Variants in ZNF208 observed in about 807,000 individuals in gnomAD.
The protein encoded by ZNF208 is zinc finger protein 95.
ZNF208 carries 10 observed loss-of-function variants against 12.1 expected under a neutral mutation model. The observed-to-expected ratio is 0.83, with a 90% confidence interval of 0.51 to 1.40. ZNF208 has a LOEUF of 1.40. Among genes scored for constraint, ZNF208 ranks in the 40% most tolerant of loss-of-function variants. The pLI, the probability that ZNF208 is intolerant of heterozygous loss-of-function variation, is 0.00. For missense variants in ZNF208, 1,652 were observed against 1,485.0 expected, an observed-to-expected ratio of 1.11 and a Z score of -1.85; for synonymous variants, 497 against 488.4, an observed-to-expected ratio of 1.02 and a Z score of -0.23.
chr19:21,992,587 T>A (rs1360466131), intron 1 of ZNF208, among the ~76,000 whole-genome samples: 1 of 152,190 alleles, frequency 6.6e-6, no homozygotes, highest in Non-Finnish European at 1.5e-5. Flanking sequence ...ATATGTTCTG[T>A]CTTCACTAAA....
At chr19:21,963,665 T>C (rs758471932), downstream of ZNF208, among the ~76,000 whole-genome samples, 7 of 152,040 alleles carry the variant, frequency 4.6e-5, no homozygotes, top group Non-Finnish European at 1.0e-4. Flanking sequence ...TACTATTTTT[T>C]AGCAACTAAT....
chr19:22,003,221 G>A (rs953447805), intron 1 of ZNF208, among the ~76,000 whole-genome samples: 1 of 151,950 alleles, frequency 6.6e-6, no homozygotes, highest in Non-Finnish European at 1.5e-5. Context: ...TCTTAAAAAG[G>A]ATATATTTTA....
chr19:21,982,192 C>A (rs1442261993), intron 3 of ZNF208, among the ~76,000 whole-genome samples: 1 of 151,702 alleles, frequency 6.6e-6, no homozygotes, highest in Non-Finnish European at 1.5e-5. Flanking sequence ...CCCATCTCTA[C>A]TAAAAACACA....
At chr19:21,954,313 G>A (rs1302095407) in intron 4 of ZNF208, among the ~76,000 whole-genome samples, 1 of 152,174 alleles carries the variant, frequency 6.6e-6, no homozygotes, top group Non-Finnish European at 1.5e-5. Flanking sequence ...ATATTCTCTT[G>A]ATTTGGGGTA....
chr19:21,992,916 TGAGAC>T (rs750044062), intron 1 of ZNF208, among the ~76,000 whole-genome samples: 5 of 152,332 alleles, frequency 3.3e-5, no homozygotes, highest in Non-Finnish European at 5.9e-5. Context: ...GATCTTGATC[TGAGAC>T]ATGTTTAGCT....
intron 4 of ZNF208, among the ~76,000 whole-genome samples, chr19:21,953,500 C>G (rs997185542): frequency 2.6e-5 from 4 of 152,164 alleles, no homozygotes; most frequent in African/African-American, 9.7e-5. Flanking sequence ...GAGTGGGGGC[C>G]AATATTCAAC....
Position 21,974,691 on chromosome 19 carries a change from T to C in ZNF208, c.343A>G (p.Ile115Val), listed in dbSNP as rs199870848. 7.9e-5 allele frequency: 128 copies of C among 1,613,462 alleles called. No individual in the cohort carries two copies. The highest frequency in any genetic ancestry group is 1.0e-4 in the Non-Finnish European group (122 of 1,179,712). Residue 115 changes from isoleucine to valine, a missense_variant, in exon 4 of 4, where the codon ATT becomes GTT. Transcript: ENST00000397126. ...KCGHENLHLK[I>V]GYTNVDECKV... is the part of the protein sequence containing the mutation. ...CACTCATCCACATTGGTATAACCAA[T>C]TTTTAAGTGTAAATTCTCATGTCCA...
intron 4 of ZNF208, among the ~76,000 whole-genome samples, chr19:21,942,257 A>G (rs1969752576): frequency 6.6e-6 from 1 of 152,274 alleles, no homozygotes; most frequent in East Asian, 1.9e-4. Flanking sequence ...AATCATATCT[A>G]TTAGTACTAG....
intron 3 of ZNF208, among the ~76,000 whole-genome samples, chr19:21,975,042 C>A (rs1374823636): frequency 6.6e-6 from 1 of 152,050 alleles, no homozygotes; most frequent in Non-Finnish European, 1.5e-5. Flanking sequence ...AAGCTGAATG[C>A]AGAGTCACAC....
chr19:21,952,557 T>C (rs1410929027), intron 4 of ZNF208, among the ~76,000 whole-genome samples: 1 of 151,992 alleles, frequency 6.6e-6, no homozygotes, highest in African/African-American at 2.4e-5. Flanking sequence ...CTCCAGAAAA[T>C]TCCAACAAAC....
intron 3 of ZNF208, 158 bp downstream of exon 3, chr19:21,987,058 A>G (rs1191848255): frequency 1.5e-6 from 1 of 656,348 alleles, no homozygotes; most frequent in African/African-American, 1.9e-5. Context: ...AAGACCGAAG[A>G]TGCCCCTGTG....
chr19:21,951,444 A>T (rs1302070224), intron 4 of ZNF208, among the ~76,000 whole-genome samples: 5 of 152,210 alleles, frequency 3.3e-5, no homozygotes, highest in African/African-American at 1.2e-4. Context: ...GGAGTAAAAG[A>T]TTGTCTTAAA....
downstream of ZNF208, among the ~76,000 whole-genome samples, chr19:21,962,268 T>C (rs1056211618): frequency 6.6e-6 from 1 of 152,136 alleles, no homozygotes; most frequent in African/African-American, 2.4e-5. Flanking sequence ...TGATTCATTT[T>C]TGTGACACAT....
chr19:21,964,842 T>G (rs561250844), downstream of ZNF208, among the ~76,000 whole-genome samples: 2 of 152,060 alleles, frequency 1.3e-5, no homozygotes, highest in Non-Finnish European at 2.9e-5. Flanking sequence ...TTGGAATTAC[T>G]GATCACTCAC....
Position 21,948,607 on chromosome 19 carries a change from TC to T in ZNF208, c.306-15371del, listed in dbSNP as rs200244208. 3.0e-3 allele frequency among the ~76,000 whole-genome samples: 458 copies of T among 152,224 alleles called. 9 individuals carry two copies. The highest frequency in any genetic ancestry group is 6.0e-3 in the East Asian group (31 of 5,164). ...AACATGGTGTTACTATGATTCAAGT[TC>T]CCTTCTCATTGCAGGACCTTAAGAA... On this transcript the variant is annotated intron_variant, in intron 4 of 4. Transcript: ENST00000599916.
At chr19:21,998,348 G>A (rs1970879213) in intron 1 of ZNF208, 1 of 151,976 alleles carries the variant, frequency 6.6e-6, no homozygotes, top group South Asian at 2.1e-4. Flanking sequence ...TAGTAGAGAT[G>A]GAGTTTCACC....
rs34371812 is a variant in ZNF208, at chr19:21,969,744, CTT to C, written c.*1445_*1446del. Among the ~76,000 whole-genome samples, 50,962 of 151,762 alleles carry C rather than the reference CTT, an allele frequency of 0.34. 9,692 individuals are homozygous for C. The highest frequency in any genetic ancestry group is 0.48 in the East Asian group (2,462 of 5,144). On this transcript the variant is annotated 3_prime_UTR_variant, in exon 4 of 4. Coordinates refer to ENST00000397126, the MANE Select transcript of ZNF208 (RefSeq NM_007153.3). Reference sequence around the variant, plus strand: ...ATACAAGTACATGTACTACAACCCTCTTAATATTTATAATGTGTTTCCTCAAA... The same window carrying C: ...ATACAAGTACATGTACTACAACCCTCAATATTTATAATGTGTTTCCTCAAA...
Position 21,970,611 on chromosome 19 carries a change from C to A in ZNF208, c.*580G>T. The A allele has an allele frequency of 1.0e-5, 9 of 873,224 alleles. No individual in the cohort carries two copies. Among genetic ancestry groups the A allele is most frequent in the Non-Finnish European group, 1.5e-5 (8 of 545,326 alleles). 54.1% of individuals were successfully genotyped at this position (873,224 alleles called of 1,614,324 possible). ...TATCACATTCTTCACATTTGTAGGG[C>A]TTCTCACCAGTATGAATTCTCTTAT... is the stretch of plus-strand genomic sequence containing the variant. On this transcript the variant is annotated 3_prime_UTR_variant, in exon 4 of 4. Transcript: ENST00000397126.
At chr19:22,008,418 G>A (rs1351625797) in intron 1 of ZNF208, among the ~76,000 whole-genome samples, 1 of 151,690 alleles carries the variant, frequency 6.6e-6, no homozygotes, top group African/African-American at 2.4e-5. Context: ...CCAATTACTT[G>A]AGAGATTCTC....
Sources: gnomAD v4.1 joint callset for allele counts (sites outside exome capture counted in the v4.1 genomes callset) on GRCh38, gnomAD v4.1.1 for gene constraint, MANE v1.5 for transcripts, NCBI Gene and HGNC (gene_info 2026-07-23, HGNC 2026-07-21) for gene names.